Variants in GPC6 observed in about 807,000 individuals in gnomAD.
GPC6 encodes the protein glypican 6.
Under a neutral mutation model 55.2 loss-of-function variants are expected in GPC6, and 14 were observed. The ratio of observed to expected loss-of-function variants is 0.25; its 90% CI spans 0.17 to 0.40. The LOEUF (loss-of-function observed/expected upper bound fraction) is 0.40. Ranked by LOEUF, GPC6 falls within the 10% of genes least tolerant of loss-of-function variation. GPC6 has a pLI of 1.00. For synonymous variants in GPC6, 278 were observed against 259.6 expected (o/e 1.07, Z -0.68); for missense variants, 641 against 708.5 (o/e 0.90, Z 1.08).
At chr13:94,344,916 TG>T (rs1878213890) in intron 6 of GPC6, among the ~76,000 whole-genome samples, 1 of 152,364 alleles carries the variant, frequency 6.6e-6, no homozygotes, top group Admixed American at 6.5e-5. Context: ...CTTTTCTCTT[TG>T]TTGAATTAAA....
At chr13:93,545,541 A>T in intron 2 of GPC6, 120 bp downstream of exon 2, 1 of 835,462 alleles carries the variant, frequency 1.2e-6, no homozygotes, top group Non-Finnish European at 2.0e-6. Context: ...AAATATTTAT[A>T]GCATTGTCTA....
chr13:93,367,981 G>A (rs1177710626), intron 1 of GPC6, among the ~76,000 whole-genome samples: 1 of 151,986 alleles, frequency 6.6e-6, no homozygotes, highest in Non-Finnish European at 1.5e-5. Flanking sequence ...CTATATCCTT[G>A]CTTATTTTCT....
chr13:93,643,484 G>A (rs1318799127), intron 2 of GPC6, among the ~76,000 whole-genome samples: 1 of 152,076 alleles, frequency 6.6e-6, no homozygotes, highest in Non-Finnish European at 1.5e-5. Context: ...TTATATAATA[G>A]GCTGAACAGA....
intron 1 of GPC6, among the ~76,000 whole-genome samples, chr13:93,443,982 A>G (rs1315935169): frequency 1.3e-5 from 2 of 152,116 alleles, no homozygotes; most frequent in Non-Finnish European, 2.9e-5. Context: ...CTTGGGAGAG[A>G]TTATGGGATT....
chr13:93,484,166 T>C (rs937918996), intron 1 of GPC6, among the ~76,000 whole-genome samples: 4 of 152,168 alleles, frequency 2.6e-5, no homozygotes, highest in Non-Finnish European at 4.4e-5. Context: ...AACAGTTTTT[T>C]TGGGTTATTC....
chr13:93,562,527 T>C (rs1274946304), intron 2 of GPC6, among the ~76,000 whole-genome samples: 1 of 152,204 alleles, frequency 6.6e-6, no homozygotes. Flanking sequence ...TGGAGAGTTA[T>C]TGTGAATTAA....
chr13:93,898,169 A>G (rs1441161167), intron 3 of GPC6, among the ~76,000 whole-genome samples: 2 of 152,156 alleles, frequency 1.3e-5, no homozygotes, highest in Non-Finnish European at 2.9e-5. Flanking sequence ...TCATATGGTC[A>G]TATTAATGGT....
intron 4 of GPC6, among the ~76,000 whole-genome samples, chr13:94,114,329 C>T (rs925027985): frequency 7.2e-5 from 11 of 151,994 alleles, no homozygotes; most frequent in Non-Finnish European, 1.5e-4. Flanking sequence ...GAAAGATTTG[C>T]TTGAGGAAGG....
intron 1 of GPC6, among the ~76,000 whole-genome samples, chr13:93,427,521 A>T (rs1877186346): frequency 1.3e-5 from 2 of 152,124 alleles, no homozygotes; most frequent in African/African-American, 4.8e-5. Flanking sequence ...TATTTAACAA[A>T]TGGTGCTGGG....
At chr13:93,256,856 A>T (rs1480969130) in intron 1 of GPC6, among the ~76,000 whole-genome samples, 2 of 152,204 alleles carry the variant, frequency 1.3e-5, no homozygotes, top group East Asian at 3.8e-4. Context: ...ATTGAGACTG[A>T]TGTTGAGATG....
intron 7 of GPC6, among the ~76,000 whole-genome samples, chr13:94,383,562 C>A (rs1231805722): frequency 6.6e-6 from 1 of 152,184 alleles, no homozygotes; most frequent in African/African-American, 2.4e-5. Flanking sequence ...GAAACCATGT[C>A]TCTACAAAAA....
chr13:93,777,732 G>T (rs1445099843), intron 2 of GPC6, among the ~76,000 whole-genome samples: 1 of 152,096 alleles, frequency 6.6e-6, no homozygotes, highest in Non-Finnish European at 1.5e-5. Flanking sequence ...CTAATGCCTG[G>T]TGCATGCTGA....
chr13:93,763,196 G>T (rs1396661967), intron 2 of GPC6, among the ~76,000 whole-genome samples: 2 of 152,190 alleles, frequency 1.3e-5, no homozygotes, highest in African/African-American at 4.8e-5. Flanking sequence ...ACTGGGGGTA[G>T]ACACTCTGAA....
intron 2 of GPC6, among the ~76,000 whole-genome samples, chr13:93,772,205 G>C (rs752960869): frequency 6.6e-6 from 1 of 152,110 alleles, no homozygotes; most frequent in Non-Finnish European, 1.5e-5. Context: ...GATAACTGTA[G>C]GATGATTTAT....
At chr13:94,359,584 GA>G (rs1274015667) in intron 6 of GPC6, among the ~76,000 whole-genome samples, 1 of 151,756 alleles carries the variant, frequency 6.6e-6, no homozygotes, top group Non-Finnish European at 1.5e-5. Flanking sequence ...AGAAGTAATA[GA>G]AAAGCAACCT....
chr13:93,427,185 G>A (rs1233958570), intron 1 of GPC6, among the ~76,000 whole-genome samples: 1 of 151,894 alleles, frequency 6.6e-6, no homozygotes, highest in East Asian at 1.9e-4. Flanking sequence ...CCATTTTGTA[G>A]GTTGCCTCTT....
intron 4 of GPC6, among the ~76,000 whole-genome samples, chr13:94,128,477 G>A (rs939486460): frequency 6.6e-6 from 1 of 152,162 alleles, no homozygotes; most frequent in African/African-American, 2.4e-5. Context: ...CCTAATATGA[G>A]TCAGGTGGGG....
chr13:94,087,812 T>G (rs1885342218), intron 4 of GPC6, among the ~76,000 whole-genome samples: 1 of 152,216 alleles, frequency 6.6e-6, no homozygotes. Flanking sequence ...TAGCTTGCTT[T>G]GGAGTCCAGC....
At chr13:93,953,049 T>G (rs1879343015) in intron 3 of GPC6, among the ~76,000 whole-genome samples, 1 of 151,922 alleles carries the variant, frequency 6.6e-6, no homozygotes, top group Non-Finnish European at 1.5e-5. Context: ...CTTCTCATCT[T>G]GCCCATGCTT....
Sources: gnomAD v4.1 joint callset for allele counts (sites outside exome capture counted in the v4.1 genomes callset) on GRCh38, gnomAD v4.1.1 for gene constraint, MANE v1.5 for transcripts, NCBI Gene and HGNC (gene_info 2026-07-23, HGNC 2026-07-21) for gene names.